The following RAD51B variants were observed in gnomAD, a reference collection of about 807,000 sequenced individuals.
RAD51B encodes the protein RAD51 paralog B.
In RAD51B, 38 loss-of-function variants were observed where a neutral mutation model predicts 42.2. The observed-to-expected ratio is 0.90, with a 90% CI of 0.70 to 1.18. The LOEUF (loss-of-function observed/expected upper bound fraction) is 1.18, where lower values mean the gene tolerates loss of function less well. Ranked by LOEUF, RAD51B falls within the 50% of genes most tolerant of loss-of-function variation. RAD51B has a pLI of 0.00. For synonymous variants in RAD51B, 154 were observed against 145.2 expected, an observed-to-expected ratio of 1.06 and a Z score of -0.43; for missense variants, 373 against 400.7, an observed-to-expected ratio of 0.93 and a Z score of 0.59.
At chr14:67,893,809 C>G (rs1242957616) in intron 7 of RAD51B, among the ~76,000 whole-genome samples, 1 of 152,132 alleles carries the variant, frequency 6.6e-6, no homozygotes, top group Admixed American at 6.5e-5. Flanking sequence ...TTTTGATGCA[C>G]TGGTTCTCTT....
chr14:68,193,287 T>C (rs992737603), intron 7 of RAD51B, among the ~76,000 whole-genome samples: 1 of 152,200 alleles, frequency 6.6e-6, no homozygotes, highest in Admixed American at 6.5e-5. Context: ...GATTTCTACT[T>C]GGACTTAAAT....
chr14:68,625,822 C>T (rs1346007859), intron 10 of RAD51B, among the ~76,000 whole-genome samples: 3 of 152,182 alleles, frequency 2.0e-5, no homozygotes, highest in Non-Finnish European at 4.4e-5. Flanking sequence ...ACAGTTTTAG[C>T]TCTTCTTTGG....
intron 8 of RAD51B, among the ~76,000 whole-genome samples, chr14:68,327,387 T>G (rs1285238017): frequency 1.3e-5 from 2 of 151,396 alleles, no homozygotes; most frequent in African/African-American, 2.4e-5. Flanking sequence ...TTGTTGTTTT[T>G]TTTTTTTTAA....
chr14:68,668,983 T>C (rs2140152710), intron 11 of RAD51B, among the ~76,000 whole-genome samples: 1 of 152,378 alleles, frequency 6.6e-6, no homozygotes, highest in East Asian at 1.9e-4. Context: ...ACCTAAACAG[T>C]GCTGGATTCT....
chr14:68,558,589 C>T (rs376384112), intron 10 of RAD51B, among the ~76,000 whole-genome samples: 4 of 152,180 alleles, frequency 2.6e-5, no homozygotes, highest in East Asian at 1.9e-4. Flanking sequence ...GCCCCACTCC[C>T]GTCACTGCTG....
intron 7 of RAD51B, among the ~76,000 whole-genome samples, chr14:68,202,847 G>T (rs1402961389): frequency 1.3e-5 from 2 of 152,034 alleles, no homozygotes; most frequent in Non-Finnish European, 2.9e-5. Flanking sequence ...CTCACAAAGT[G>T]CTGGGATTAC....
intron 7 of RAD51B, among the ~76,000 whole-genome samples, chr14:68,034,659 T>C (rs1468165108): frequency 6.6e-6 from 1 of 152,172 alleles, no homozygotes; most frequent in African/African-American, 2.4e-5. Flanking sequence ...CAAATAGAGT[T>C]AATTAAATAA....
At chr14:68,414,825 C>T (rs1485425905) in intron 9 of RAD51B, among the ~76,000 whole-genome samples, 5 of 142,446 alleles carry the variant, frequency 3.5e-5, no homozygotes, top group Non-Finnish European at 7.5e-5. Flanking sequence ...AGTTCGAGAC[C>T]AGCCTGACCA....
intron 11 of RAD51B, among the ~76,000 whole-genome samples, chr14:68,660,932 G>C (rs1302230476): frequency 6.6e-6 from 1 of 152,176 alleles, no homozygotes; most frequent in Non-Finnish European, 1.5e-5. Flanking sequence ...AAGAAAGAGT[G>C]GCTGTCCCAC....
chr14:68,000,927 T>C (rs1382501028), intron 7 of RAD51B, among the ~76,000 whole-genome samples: 2 of 152,200 alleles, frequency 1.3e-5, no homozygotes, highest in African/African-American at 4.8e-5. Context: ...TAGAATTACA[T>C]CGAATTCATA....
rs1270229089 is a variant in RAD51B, at chr14:68,453,948, T to TA, written c.958-14221dup. ...ATAATGTGAGACTCAAAAGAAAACT[T>TA]AAAGTATAATTAATTTCCTCAGAGA... On this transcript the variant is annotated intron_variant, in intron 9 of 10. Coordinates refer to ENST00000471583, the MANE Select transcript of RAD51B (RefSeq NM_133510.4). Among the ~76,000 whole-genome samples the TA allele has an allele frequency of 6.6e-5, 10 of 152,224 alleles. No homozygotes were observed. In the East Asian group the frequency reaches 1.2e-3, roughly 18 times the overall value.
chr14:68,562,735 C>G, intron 10 of RAD51B: 1 of 985,380 alleles, frequency 1.0e-6, no homozygotes. Context: ...ATTCATCCCC[C>G]TGGTGCCCTC....
intron 8 of RAD51B, among the ~76,000 whole-genome samples, chr14:68,298,553 CT>C (rs2081657373): frequency 6.6e-6 from 1 of 152,198 alleles, no homozygotes. Context: ...ACCCTCAAAT[CT>C]TTTTACCGTC....
intron 7 of RAD51B, among the ~76,000 whole-genome samples, chr14:68,098,436 TAAAGAC>T: frequency 6.6e-6 from 1 of 152,334 alleles, no homozygotes; most frequent in Non-Finnish European, 1.5e-5. Flanking sequence ...ACTCTGCTGA[TAAAGAC>T]ATACCTGAGA....
intron 8 of RAD51B, among the ~76,000 whole-genome samples, chr14:68,303,263 C>G (rs1280485758): frequency 6.6e-6 from 1 of 151,956 alleles, no homozygotes; most frequent in Non-Finnish European, 1.5e-5. Context: ...TAAGTGGGAG[C>G]TGAACAATGA....
At chr14:68,540,298 AC>A (rs1887892343) in intron 10 of RAD51B, 4 of 1,041,796 alleles carry the variant, frequency 3.8e-6, no homozygotes. Flanking sequence ...TCTACTGCAG[AC>A]CACACCACAA....
intron 4 of RAD51B, among the ~76,000 whole-genome samples, chr14:67,838,626 G>A (rs1383308973): frequency 6.6e-6 from 1 of 151,898 alleles, no homozygotes. Context: ...AAAATGTTTT[G>A]TAGAGATGAG....
chr14:68,147,867 C>T (rs2078286701), intron 7 of RAD51B, among the ~76,000 whole-genome samples: 1 of 151,504 alleles, frequency 6.6e-6, no homozygotes, highest in East Asian at 1.9e-4. Context: ...CATATTTAGT[C>T]CAATTTGATG....
intron 7 of RAD51B, among the ~76,000 whole-genome samples, chr14:68,256,114 C>T (rs994807220): frequency 9.2e-5 from 14 of 152,168 alleles, no homozygotes; most frequent in East Asian, 3.9e-4. Context: ...TTACCTCTGA[C>T]TAGATTTGGT....
Sources: allele counts gnomAD v4.1 joint callset (sites outside exome capture counted in the v4.1 genomes callset), GRCh38; gene constraint gnomAD v4.1.1; transcripts MANE v1.5; gene names NCBI Gene and HGNC (gene_info 2026-07-23, HGNC 2026-07-21).